Variants in MMP26 observed in about 807,000 individuals in gnomAD.
MMP26 encodes the protein matrix metalloproteinase-26.
In MMP26, 33 loss-of-function variants were observed where a neutral mutation model predicts 31.0. The observed-to-expected ratio is 1.06, with a 90% CI of 0.81 to 1.42. The LOEUF (loss-of-function observed/expected upper bound fraction) is 1.42. Among genes scored for constraint, MMP26 ranks in the 40% most tolerant of loss-of-function variants. The pLI, the probability that MMP26 is intolerant of heterozygous loss-of-function variation, is 0.00. For missense variants in MMP26, 347 were observed against 316.1 expected (o/e 1.10, Z -0.74); for synonymous variants, 122 against 114.9 (o/e 1.06, Z -0.40).
intron 2 of MMP26, among the ~76,000 whole-genome samples, chr11:4,927,583 T>C (rs183487920): frequency 1.3e-5 from 2 of 152,058 alleles, no homozygotes; most frequent in African/African-American, 4.8e-5. Context: ...TGACTAGGGA[T>C]CTATGTGTTC....
At chr11:4,959,791 G>C (rs1378075341) in intron 2 of MMP26, among the ~76,000 whole-genome samples, 5 of 152,054 alleles carry the variant, frequency 3.3e-5, no homozygotes, top group African/African-American at 4.8e-5. Context: ...CTTGTTTATT[G>C]TTGACTGTTT....
intron 2 of MMP26, among the ~76,000 whole-genome samples, chr11:4,855,774 A>T (rs1850042251): frequency 6.6e-6 from 1 of 152,222 alleles, no homozygotes. Flanking sequence ...TAACTGTCAG[A>T]TTCACCAAAG....
intron 2 of MMP26, among the ~76,000 whole-genome samples, chr11:4,778,254 C>T (rs74055010): frequency 0.012 from 1,783 of 152,130 alleles, 33 homozygotes; most frequent in African/African-American, 0.041. Context: ...TGTTTGGATA[C>T]TCCCTTTTAA....
At chr11:4,785,396 A>G (rs1165805874) in intron 2 of MMP26, among the ~76,000 whole-genome samples, 1 of 152,204 alleles carries the variant, frequency 6.6e-6, no homozygotes, top group Non-Finnish European at 1.5e-5. Context: ...AGTTCCTTGA[A>G]CACAGATAAT....
chr11:4,880,296 G>C (rs1381714371), intron 2 of MMP26, among the ~76,000 whole-genome samples: 2 of 152,104 alleles, frequency 1.3e-5, no homozygotes, highest in Non-Finnish European at 2.9e-5. Context: ...GGTAAGACGG[G>C]AGTGCAAACG....
chr11:4,717,541 C>T (rs4285864), intron 1 of MMP26, among the ~76,000 whole-genome samples: 10 of 149,998 alleles, frequency 6.7e-5, no homozygotes, highest in Admixed American at 6.6e-5. Flanking sequence ...TTTTTTTTCT[C>T]AGCTACCAGA....
chr11:4,991,922 T>C, intron 6 of MMP26, 42 bp from the exon 7 acceptor site: 1 of 1,494,602 alleles, frequency 6.7e-7, no homozygotes, highest in East Asian at 2.4e-5. Flanking sequence ...GCATTCCCTA[T>C]GCATAGTTAA....
At chr11:4,803,704 C>A in intron 2 of MMP26, 1 of 1,613,758 alleles carries the variant, frequency 6.2e-7, no homozygotes. Context: ...AAGCACAGCT[C>A]TCAAAATCAT....
intron 2 of MMP26, among the ~76,000 whole-genome samples, chr11:4,844,880 A>G (rs1849846128): frequency 6.6e-6 from 1 of 152,178 alleles, no homozygotes; most frequent in South Asian, 2.1e-4. Context: ...ACTATTATTC[A>G]ACACAGTATT....
chr11:4,869,264 A>G (rs539078625), intron 2 of MMP26, among the ~76,000 whole-genome samples: 3 of 152,322 alleles, frequency 2.0e-5, no homozygotes, highest in African/African-American at 7.2e-5. Context: ...AGAAACTACC[A>G]TCAGACTGAA....
chr11:4,924,240 A>G (rs1338060940), intron 2 of MMP26: 1 of 1,614,220 alleles, frequency 6.2e-7, no homozygotes, highest in South Asian at 1.1e-5. Context: ...TAGATGAAGC[A>G]GAAGGGAATA....
intron 2 of MMP26, among the ~76,000 whole-genome samples, chr11:4,956,398 A>T (rs533754978): frequency 6.6e-6 from 1 of 152,346 alleles, no homozygotes; most frequent in Admixed American, 6.5e-5. Flanking sequence ...AAATCTACAG[A>T]GATAGTTGTT....
intron 2 of MMP26, among the ~76,000 whole-genome samples, chr11:4,786,388 G>A (rs17227809): frequency 0.095 from 14,442 of 151,376 alleles, 861 homozygotes; most frequent in Middle Eastern, 0.16. Context: ...TGAAAATGCA[G>A]TGAACTTCCT....
intron 2 of MMP26, among the ~76,000 whole-genome samples, chr11:4,793,620 G>A (rs12805337): frequency 0.21 from 32,237 of 151,872 alleles, 3,994 homozygotes; most frequent in African/African-American, 0.33. Flanking sequence ...GCTCTTCAAG[G>A]GTTTACATCC....
intron 1 of MMP26, among the ~76,000 whole-genome samples, chr11:4,762,222 G>A (rs976517687): frequency 2.6e-4 from 40 of 152,088 alleles, no homozygotes; most frequent in Non-Finnish European, 4.3e-4. Flanking sequence ...CCATTTCATA[G>A]TATAGAAAAG....
intron 2 of MMP26, among the ~76,000 whole-genome samples, chr11:4,980,152 G>T (rs2133639694): frequency 6.6e-6 from 1 of 152,080 alleles, no homozygotes; most frequent in East Asian, 1.9e-4. Context: ...CCATTACCTG[G>T]CTTTTTTGCA....
chr11:4,836,113 A>T (rs1160737899), intron 2 of MMP26, among the ~76,000 whole-genome samples: 1 of 152,128 alleles, frequency 6.6e-6, no homozygotes, highest in African/African-American at 2.4e-5. Context: ...CATTTAATCT[A>T]TAAATATAAT....
rs866650748 is a variant in MMP26 at position 4,759,135 on chromosome 11, A to G, written c.-216-8135A>G. 1.4e-4 allele frequency among the ~76,000 whole-genome samples: 20 copies of G among 143,772 alleles called. 1 individual carries two copies. The highest frequency in any genetic ancestry group is 4.8e-4 in the African/African-American group (18 of 37,566). 94.3% of individuals were successfully genotyped at this position (143,772 alleles called of 152,430 possible). ...TCAAAAAAAAAAAAAAAAAAAAAAA[A>G]GACAAAAAATTTGGCAAAAATAATT... On this transcript the variant is annotated intron_variant, in intron 1 of 7. Transcript: ENST00000380390.
intron 2 of MMP26, among the ~76,000 whole-genome samples, chr11:4,893,482 T>C (rs1850658081): frequency 6.6e-6 from 1 of 152,148 alleles, no homozygotes; most frequent in African/African-American, 2.4e-5. Context: ...CAAATGCCCT[T>C]TCCACAAATG....
Sources: gnomAD v4.1 joint callset for allele counts (sites outside exome capture counted in the v4.1 genomes callset) on GRCh38, gnomAD v4.1.1 for gene constraint, MANE v1.5 for transcripts, NCBI Gene and HGNC (gene_info 2026-07-23, HGNC 2026-07-21) for gene names.